ZDHHC18: variants seen among roughly 807,000 people sequenced by gnomAD.
The protein encoded by ZDHHC18 is palmitoyltransferase ZDHHC18.
A neutral mutation model predicts 37.5 loss-of-function variants in ZDHHC18; 23 were observed. The observed-to-expected ratio is 0.61, with a 90% CI of 0.44 to 0.87. ZDHHC18 has a LOEUF of 0.87. ZDHHC18 is among the 40% of genes least tolerant of loss of function. The pLI, the probability that ZDHHC18 is intolerant of heterozygous loss-of-function variation, is 0.00. For synonymous variants in ZDHHC18, 185 were observed against 218.7 expected, an observed-to-expected ratio of 0.85 and a Z score of 1.36; for missense variants, 406 against 525.6, an observed-to-expected ratio of 0.77 and a Z score of 2.22.
rs568651373 is a variant in ZDHHC18 at position 26,855,918 on chromosome 1, C to A, written c.*2075C>A. ...AAGAGCAGAGAGGGCTGCGGCTGAG[C>A]CCCCATGGGCACGTGAAAAGAGGCC... On this transcript the variant is annotated 3_prime_UTR_variant, in exon 8 of 8. Coordinates refer to ENST00000374142, the MANE Select transcript of ZDHHC18 (RefSeq NM_032283.3). 2 of 243,324 alleles carry A rather than the reference C, an allele frequency of 8.2e-6. No homozygotes were observed. Among genetic ancestry groups the A allele is most frequent in the South Asian group, 8.0e-5 (2 of 25,080 alleles). 15.1% of individuals were successfully genotyped at this position (243,324 alleles called of 1,614,324 possible).
At chr1:26,845,107 T>C (rs571887259) in intron 2 of ZDHHC18, among the ~76,000 whole-genome samples, 9 of 151,924 alleles carry the variant, frequency 5.9e-5, no homozygotes, top group African/African-American at 2.2e-4. Context: ...GTATTTTTAG[T>C]ATAGACGAGG....
rs767671347 is a variant in ZDHHC18, at chr1:26,853,888, C to T, written c.*45C>T. On this transcript the variant is annotated 3_prime_UTR_variant, in exon 8 of 8. Coordinates refer to ENST00000374142, the MANE Select transcript of ZDHHC18 (RefSeq NM_032283.3). ...ACCTGCTGGCCTGTCTGACCCTCCG[C>T]ACTCACCTGCCGGGACCCTCCCTAT... 6 of 1,545,656 alleles carry T rather than the reference C, an allele frequency of 3.9e-6. No homozygotes were observed. Among genetic ancestry groups the T allele is most frequent in the Non-Finnish European group, 5.3e-6 (6 of 1,122,604 alleles).
At position 26,851,232 on chromosome 1, in the gene ZDHHC18, G is replaced by A. The variant is rs200472166; in HGVS notation, c.936+1G>A. The A allele has an allele frequency of 6.8e-6, 11 of 1,613,794 alleles. No homozygotes were observed. The highest frequency in any genetic ancestry group is 8.5e-6 in the Non-Finnish European group (10 of 1,179,778). On this transcript the variant is annotated splice_donor_variant, in intron 6 of 7. Coordinates refer to ENST00000374142, the MANE Select transcript of ZDHHC18 (RefSeq NM_032283.3). LOFTEE classifies it high-confidence loss of function. The stretch of plus-strand genomic sequence containing the variant: ...CTCCAACCTGACTACTAATGAAGAC[G>A]TGAGTAAACCTGGAGCCACCCCTCA...
chr1:26,835,749 A>G (rs2081608713), intron 2 of ZDHHC18, among the ~76,000 whole-genome samples: 1 of 152,208 alleles, frequency 6.6e-6, no homozygotes, highest in Non-Finnish European at 1.5e-5. Context: ...GATCAGGACT[A>G]AGATCACTGA....
intron 2 of ZDHHC18, among the ~76,000 whole-genome samples, chr1:26,847,941 T>G (rs2081680587): frequency 1.3e-5 from 2 of 152,230 alleles, no homozygotes; most frequent in South Asian, 4.1e-4. Context: ...TTTTTCCTCA[T>G]TGTGTTACTC....
chr1:26,845,073 C>T (rs1169518854), intron 2 of ZDHHC18, among the ~76,000 whole-genome samples: 1 of 151,750 alleles, frequency 6.6e-6, no homozygotes, highest in Non-Finnish European at 1.5e-5. Context: ...TACAGGCATG[C>T]GCCACCATGC....
At chr1:26,844,966 G>A (rs2081656378) in intron 2 of ZDHHC18, among the ~76,000 whole-genome samples, 1 of 150,750 alleles carries the variant, frequency 6.6e-6, no homozygotes, top group African/African-American at 2.4e-5. Flanking sequence ...TGTCACCCAG[G>A]CTAGAATGCA....
chr1:26,846,019 G>T (rs534811928), intron 2 of ZDHHC18, among the ~76,000 whole-genome samples: 6 of 152,022 alleles, frequency 3.9e-5, no homozygotes, highest in African/African-American at 1.2e-4. Context: ...CTGTGGATTA[G>T]GGAGAATAAA....
At chr1:26,838,684 A>G (rs759404062) in intron 2 of ZDHHC18, among the ~76,000 whole-genome samples, 8 of 152,258 alleles carry the variant, frequency 5.3e-5, no homozygotes, top group Non-Finnish European at 7.3e-5. Flanking sequence ...CAGGCTAACA[A>G]TTGGCCATGC....
At chr1:26,846,048 T>A (rs2081662107) in intron 2 of ZDHHC18, among the ~76,000 whole-genome samples, 1 of 151,906 alleles carries the variant, frequency 6.6e-6, no homozygotes, top group South Asian at 2.1e-4. Flanking sequence ...TAATATTCAG[T>A]CTTCCAATCC....
intron 2 of ZDHHC18, among the ~76,000 whole-genome samples, chr1:26,833,756 C>T (rs1330316627): frequency 1.3e-5 from 2 of 152,102 alleles, no homozygotes; most frequent in Non-Finnish European, 2.9e-5. Flanking sequence ...CTTCCCCTAA[C>T]AGCATGGTGT....
Position 26,827,151 on chromosome 1 carries a change from T to G in ZDHHC18, c.335+12T>G. The G allele has an allele frequency of 7.2e-6, 10 of 1,385,112 alleles. No homozygotes were observed. Among genetic ancestry groups the G allele is most frequent in the Non-Finnish European group, 9.3e-6 (10 of 1,073,290 alleles). 85.8% of individuals were successfully genotyped at this position (1,385,112 alleles called of 1,614,324 possible). A position where few individuals can be genotyped will look rare whatever the true frequency, so the allele number is the denominator to read the frequency against. On this transcript the variant is annotated intron_variant, in intron 1 of 7. Transcript: ENST00000374142. ...TTCTTCGTCTTTGAGTGAGTTCCGC[T>G]GCCTCGGCGCCCCCTCCCAGCCCCC...
chr1:26,852,182 G>A (rs979808288), intron 6 of ZDHHC18, among the ~76,000 whole-genome samples: 4 of 152,194 alleles, frequency 2.6e-5, no homozygotes, highest in Non-Finnish European at 4.4e-5. Context: ...AGGTTAAAGA[G>A]AAAGGAGTGT....
At chr1:26,848,520 G>A (rs111476654) in intron 2 of ZDHHC18, 88 bp from the exon 3 acceptor site, 2 of 1,532,856 alleles carry the variant, frequency 1.3e-6, no homozygotes, top group Non-Finnish European at 1.8e-6. Context: ...CTCCTGGACT[G>A]GCCAGGCAGC....
Position 26,832,447 on chromosome 1 carries a change from C to G in ZDHHC18, c.336C>G (p.Asp112Glu), listed in dbSNP as rs1279707426. 6.2e-7 allele frequency: 1 copy of G among 1,614,060 alleles called. No individual in the cohort carries two copies. The highest frequency in any genetic ancestry group is 1.7e-5 in the Admixed American group (1 of 60,012). ...GATCTCTCTCCATCTCTCGTTCTAG[C>G]TGTCCCTACCTGGCTCGCAAGCTGA... ...LTTTGLFFVF[D>E]CPYLARKLTL... Residue 112 changes from aspartate to glutamate, a missense_variant and splice_region_variant, in exon 2 of 8, where the codon GAC (aspartate) becomes GAG (glutamate). Asp to Glu is a conservative substitution (Grantham distance 45). Coordinates refer to ENST00000374142, the MANE Select transcript of ZDHHC18 (RefSeq NM_032283.3).
chr1:26,849,543 C>T (rs2081690755), intron 3 of ZDHHC18, among the ~76,000 whole-genome samples: 2 of 152,232 alleles, frequency 1.3e-5, no homozygotes, highest in South Asian at 2.1e-4. Context: ...AAGGAGCTGC[C>T]CCGCCCACGC....
chr1:26,836,072 G>GGGCT (rs921433504), intron 2 of ZDHHC18, among the ~76,000 whole-genome samples: 3 of 152,186 alleles, frequency 2.0e-5, no homozygotes, highest in African/African-American at 7.2e-5. Context: ...GCCGGCTGGT[G>GGGCT]GGCTGTGCAG....
chr1:26,846,226 G>GTATATATATGTGTA lies in ZDHHC18; in HGVS notation c.497-2376_497-2375insTATGTGTATATATA, dbSNP rs1557644302. On this transcript the variant is annotated intron_variant, in intron 2 of 7. Coordinates refer to ENST00000374142, the MANE Select transcript of ZDHHC18 (RefSeq NM_032283.3). Reference sequence around the variant, plus strand: ...TATACACGTATATACATATATATGTGTATATAGAGAGAGAGATATATAGAT... The same window carrying GTATATATATGTGTA: ...TATACACGTATATACATATATATGTGTATATATATGTGTATATATAGAGAGAGAGATATATAGAT... Among the ~76,000 whole-genome samples, 15 of 125,810 alleles carry GTATATATATGTGTA rather than the reference G, an allele frequency of 1.2e-4. 1 individual carries two copies. Among genetic ancestry groups the GTATATATATGTGTA allele is most frequent in the African/African-American group, 4.2e-4 (14 of 32,972 alleles). 82.5% of individuals were successfully genotyped at this position (125,810 alleles called of 152,430 possible).
rs985143349 is a variant in ZDHHC18, at chr1:26,830,348, A to T, written c.336-2099A>T. Among the ~76,000 whole-genome samples, 5 of 151,746 alleles carry T rather than the reference A, an allele frequency of 3.3e-5. 1 individual carries two copies. The highest frequency in any genetic ancestry group is 7.3e-5 in the African/African-American group (3 of 41,260). ...ATGTGACCTTGGGCAGATTACTTAAACTCTCTGAGCTCTAGTTTCTTCATC... is the reference window on the plus strand; with the variant it reads ...ATGTGACCTTGGGCAGATTACTTAATCTCTCTGAGCTCTAGTTTCTTCATC... On this transcript the variant is annotated intron_variant, in intron 1 of 7. Transcript: ENST00000374142.
Sources: allele counts gnomAD v4.1 joint callset (sites outside exome capture counted in the v4.1 genomes callset), GRCh38; gene constraint gnomAD v4.1.1; transcripts MANE v1.5; gene names NCBI Gene and HGNC (gene_info 2026-07-23, HGNC 2026-07-21).